Variants in ACSL1 observed in about 807,000 individuals in gnomAD.
The protein encoded by ACSL1 is long-chain-fatty-acid--CoA ligase 1.
A neutral mutation model predicts 98.4 loss-of-function variants in ACSL1; 41 were observed. The observed-to-expected ratio is 0.42, with a 90% CI of 0.32 to 0.54. ACSL1 has a LOEUF of 0.54. Ranked by LOEUF, ACSL1 falls within the 20% of genes least tolerant of loss-of-function variation. The pLI is 0.13. For missense variants in ACSL1, 734 were observed against 883.1 expected (o/e 0.83, Z 2.14); for synonymous variants, 316 against 322.7 (o/e 0.98, Z 0.22).
intron 1 of ACSL1, among the ~76,000 whole-genome samples, chr4:184,819,936 G>C (rs557129360): frequency 2.1e-4 from 32 of 152,282 alleles, no homozygotes; most frequent in African/African-American, 6.7e-4. Flanking sequence ...ATGTGTGTTG[G>C]GTAATACTGC....
chr4:184,795,982 A>C (rs925109258), intron 2 of ACSL1, among the ~76,000 whole-genome samples: 3 of 152,218 alleles, frequency 2.0e-5, no homozygotes, highest in Admixed American at 1.3e-4. Flanking sequence ...ACTTGATTAG[A>C]TCGAAGGATA....
intron 2 of ACSL1, among the ~76,000 whole-genome samples, chr4:184,802,214 C>A (rs946255791): frequency 1.3e-5 from 2 of 152,202 alleles, no homozygotes; most frequent in African/African-American, 4.8e-5. Flanking sequence ...ACTGAAGAAT[C>A]TTTTATATAT....
intron 1 of ACSL1, among the ~76,000 whole-genome samples, chr4:184,823,252 A>C (rs550046176): frequency 2.0e-5 from 3 of 152,344 alleles, no homozygotes; most frequent in African/African-American, 7.2e-5. Flanking sequence ...GGATATCAAC[A>C]GCTTTGAGCT....
At chr4:184,762,094 T>C (rs187690811) in intron 17 of ACSL1, among the ~76,000 whole-genome samples, 1 of 149,738 alleles carries the variant, frequency 6.7e-6, no homozygotes, top group East Asian at 2.0e-4. Flanking sequence ...GCCATTGCAC[T>C]CCAGCCAGCC....
In ACSL1 at chr4:184,805,507, C is replaced by G. The variant is rs541196205; in HGVS notation, c.-32-1961G>C. The G allele has an allele frequency of 3.8e-5, 37 of 985,508 alleles. No homozygotes were observed. The African/African-American group carries it at 6.1e-4, about 16-fold the overall frequency. The allele number at this position is 985,508 out of a possible 1,614,324, so 61.0% of individuals were successfully genotyped here. On this transcript the variant is annotated intron_variant, in intron 1 of 20. Coordinates refer to ENST00000281455, the MANE Select transcript of ACSL1 (RefSeq NM_001995.5). ...CATGGTTCTGGAAAGAAGGCACCAG[C>G]ACTTAACAAAACCACTCACCATCTG...
chr4:184,824,254 T>TA (rs1243264092), intron 1 of ACSL1, among the ~76,000 whole-genome samples: 2 of 152,052 alleles, frequency 1.3e-5, no homozygotes, highest in Non-Finnish European at 2.9e-5. Context: ...GCCTCTCGAG[T>TA]AGCTGGGACT....
chr4:184,811,336 T>A (rs539816997), intron 1 of ACSL1, among the ~76,000 whole-genome samples: 10 of 152,078 alleles, frequency 6.6e-5, no homozygotes, highest in South Asian at 2.1e-4. Context: ...ATGGTCTCGA[T>A]CTCCCGACTT....
chr4:184,779,122 C>T lies in ACSL1; in HGVS notation c.477+1210G>A, dbSNP rs544639588. Among the ~76,000 whole-genome samples, 9 of 152,308 alleles carry T rather than the reference C, an allele frequency of 5.9e-5. No homozygotes were observed. The South Asian group carries it at 1.9e-3, about 32-fold the overall frequency. The stretch of plus-strand genomic sequence containing the variant: ...CTTCCAAAAGAGCTGCTCATTTAAA[C>T]TCAGTTTCTGATATGTTTTGGCTGT... On this transcript the variant is annotated intron_variant, in intron 5 of 20. Coordinates refer to ENST00000281455, the MANE Select transcript of ACSL1 (RefSeq NM_001995.5).
chr4:184,785,606 C>CG (rs796880571), intron 3 of ACSL1, among the ~76,000 whole-genome samples: 8 of 6,426 alleles, frequency 1.2e-3, no homozygotes, highest in African/African-American at 2.8e-3. Context: ...TGGGCGGGGG[C>CG]GGGGGGGGGG....
Position 184,766,870 on chromosome 4 carries a change from G to A in ACSL1, c.1129-114C>T, listed in dbSNP as rs1251692278. The A allele has an allele frequency of 7.3e-6, 9 of 1,231,826 alleles. No individual in the cohort carries two copies. The highest frequency in any genetic ancestry group is 8.9e-6 in the Non-Finnish European group (8 of 899,416). The allele number at this position is 1,231,826 out of a possible 1,614,324, so 76.3% of individuals were successfully genotyped here. A position where few individuals can be genotyped will look rare whatever the true frequency, so the allele number is the denominator to read the frequency against. ...CTGGGGAACACAAAATGGCACAGCT[G>A]CTCTGACAGCCTGGCCGGTCCTCTA... On this transcript the variant is annotated intron_variant, in intron 12 of 20. Transcript: ENST00000281455. The surrounding 1 kb of genome is among the most constrained non-coding windows in gnomAD (Gnocchi z 4.8).
At position 184,813,430 on chromosome 4, in the gene ACSL1, G is replaced by A. The variant is rs116679280; in HGVS notation, c.-32-9884C>T. ...GCAGCGGATGGAGACAAAAAGATCC[G>A]CTTTTTAGGCTGACGCAATCCTTCT... On this transcript the variant is annotated intron_variant, in intron 1 of 20. Coordinates refer to ENST00000281455, the MANE Select transcript of ACSL1 (RefSeq NM_001995.5). Among the ~76,000 whole-genome samples the A allele has an allele frequency of 6.6e-3, 1,005 of 152,274 alleles. 14 individuals carry two copies. The highest frequency in any genetic ancestry group is 0.023 in the African/African-American group (958 of 41,562).
chr4:184,766,689 G>T lies in ACSL1; in HGVS notation c.1196C>A (p.Ala399Glu). Residue 399 changes from alanine to glutamate, a missense_variant, in exon 13 of 21, where the codon GCA becomes GAA. Physicochemically the swap from Ala to Glu is moderately radical, Grantham distance 107. Transcript: ENST00000281455. The surrounding 1 kb of genome is among the most constrained non-coding windows in gnomAD (Gnocchi z 4.8). Reference sequence around the variant, plus strand: ...TCTGATGATGCCGCTGCGAAGCTCTGCTTCTTTCCTCTTGGAGGCAAAGTC... The same window carrying T: ...TCTGATGATGCCGCTGCGAAGCTCTTCTTCTTTCCTCTTGGAGGCAAAGTC... ...LLDFASKRKE[A>E]ELRSGIIRNN... 6.2e-7 allele frequency: 1 copy of T among 1,614,206 alleles called. No homozygotes were observed. Among genetic ancestry groups the T allele is most frequent in the Non-Finnish European group, 8.5e-7 (1 of 1,180,026 alleles).
intron 3 of ACSL1, among the ~76,000 whole-genome samples, chr4:184,786,181 T>A (rs1351399398): frequency 1.3e-5 from 2 of 152,240 alleles, no homozygotes; most frequent in African/African-American, 4.8e-5. Context: ...TGTTCCTAAA[T>A]GTCTGTATCG....
chr4:184,824,415 C>T (rs1773300477), intron 1 of ACSL1, among the ~76,000 whole-genome samples: 2 of 152,116 alleles, frequency 1.3e-5, no homozygotes, highest in Admixed American at 1.3e-4. Flanking sequence ...TGAGCCACCA[C>T]GCCTGTCTGG....
rs2150511624 is a variant in ACSL1, at chr4:184,825,101, A to C, written c.-33+815T>G. On this transcript the variant is annotated intron_variant, in intron 1 of 20. Coordinates refer to ENST00000281455, the MANE Select transcript of ACSL1 (RefSeq NM_001995.5). This position sits in a 1 kb window ranked among gnomAD's most constrained non-coding sequence, Gnocchi z 4.7. ...AACGCTTTTAGAATGGTCACTCTTA[A>C]TTATGCTCCATAACCTTGAAATTGG... 1.1e-6 allele frequency: 1 copy of C among 887,430 alleles called. No individual in the cohort carries two copies. The highest frequency in any genetic ancestry group is 1.4e-6 in the Non-Finnish European group (1 of 740,328). 55.0% of individuals were successfully genotyped at this position (887,430 alleles called of 1,614,324 possible). A position where few individuals can be genotyped will look rare whatever the true frequency, so the allele number is the denominator to read the frequency against.
chr4:184,809,315 G>A (rs1331136248), intron 1 of ACSL1, among the ~76,000 whole-genome samples: 2 of 151,986 alleles, frequency 1.3e-5, no homozygotes, highest in African/African-American at 4.8e-5. Context: ...CATTCACATT[G>A]GTCACAAATA....
At chr4:184,822,537 G>A (rs531342200) in intron 1 of ACSL1, among the ~76,000 whole-genome samples, 7 of 152,216 alleles carry the variant, frequency 4.6e-5, no homozygotes, top group African/African-American at 7.2e-5. Flanking sequence ...CCAGGAGTTC[G>A]AGACAACTGG....
chr4:184,780,328 A>T lies in ACSL1; in HGVS notation c.477+4T>A. ...ATGCATAGCAAGTACCTACTGGTTC[A>T]TACCTCAGGTCTATTTTGAGCAAAG... On this transcript the variant is annotated splice_donor_region_variant and intron_variant, in intron 5 of 20. Coordinates refer to ENST00000281455, the MANE Select transcript of ACSL1 (RefSeq NM_001995.5). 6.2e-7 allele frequency: 1 copy of T among 1,612,108 alleles called. No homozygotes were observed. Among genetic ancestry groups the T allele is most frequent in the Non-Finnish European group, 8.5e-7 (1 of 1,178,926 alleles).
At chr4:184,783,896 A>G (rs1185227580) in intron 4 of ACSL1, 31 bp downstream of exon 4, 3 of 1,592,120 alleles carry the variant, frequency 1.9e-6, no homozygotes, top group African/African-American at 2.7e-5. Context: ...TTGCAAGAGG[A>G]GTCCACAGAG....
Sources: allele counts gnomAD v4.1 joint callset (sites outside exome capture counted in the v4.1 genomes callset), GRCh38; gene constraint gnomAD v4.1.1; non-coding constraint Gnocchi (gnomAD v3.1); transcripts MANE v1.5; gene names NCBI Gene and HGNC (gene_info 2026-07-23, HGNC 2026-07-21).